CA10: variants seen among roughly 807,000 people sequenced by gnomAD.
CA10 encodes carbonic anhydrase-related protein 10.
A neutral mutation model predicts 44.2 loss-of-function variants in CA10; 14 were observed. The observed-to-expected ratio is 0.32, with a 90% CI of 0.21 to 0.50. The LOEUF is 0.50. Ranked by LOEUF, CA10 falls within the 20% of genes least tolerant of loss-of-function variation. The pLI, the probability that CA10 is intolerant of heterozygous loss-of-function variation, is 0.99. For missense variants in CA10, 350 were observed against 409.7 expected (o/e 0.85, Z 1.26); for synonymous variants, 159 against 141.6 (o/e 1.12, Z -0.87).
intron 1 of CA10, among the ~76,000 whole-genome samples, chr17:52,072,845 G>T (rs1323949276): frequency 6.6e-6 from 1 of 152,040 alleles, no homozygotes; most frequent in Non-Finnish European, 1.5e-5. Flanking sequence ...AGGCTGAAAG[G>T]TATACCCAGC....
chr17:52,139,528 G>T (rs1989432257), intron 1 of CA10, among the ~76,000 whole-genome samples: 1 of 150,098 alleles, frequency 6.7e-6, no homozygotes, highest in South Asian at 2.1e-4. Flanking sequence ...TGGAGAGCTT[G>T]GTTCAAATCC....
chr17:51,813,718 G>A (rs1053057921), intron 3 of CA10, among the ~76,000 whole-genome samples: 7 of 152,158 alleles, frequency 4.6e-5, no homozygotes, highest in Admixed American at 1.3e-4. Flanking sequence ...TTTCCCCTCC[G>A]AATGGCTCCA....
At chr17:52,042,076 G>C (rs1466174278) in intron 2 of CA10, among the ~76,000 whole-genome samples, 1 of 152,032 alleles carries the variant, frequency 6.6e-6, no homozygotes, top group Non-Finnish European at 1.5e-5. Context: ...TGGCATCTTA[G>C]AGATACTGAT....
chr17:51,681,065 C>T (rs1449735609), intron 4 of CA10, among the ~76,000 whole-genome samples: 5 of 152,224 alleles, frequency 3.3e-5, no homozygotes, highest in African/African-American at 1.2e-4. Flanking sequence ...CACAACCAGT[C>T]TTCCAGCCTT....
In CA10 at chr17:51,876,160, GTTTTTTTTTTTT is replaced by G. The variant is rs3033579; in HGVS notation, c.279+54818_279+54829del. 2.0e-3 allele frequency among the ~76,000 whole-genome samples: 118 copies of G among 59,806 alleles called. 1 individual carries two copies. Among genetic ancestry groups the G allele is most frequent in the Non-Finnish European group, 2.8e-3 (96 of 34,842 alleles). 39.2% of individuals were successfully genotyped at this position (59,806 alleles called of 152,430 possible). ...AAGATAAAATTTTATTTCTTCTCTC[GTTTTTTTTTTTT>G]TTTTTTTTTTTTTGAACAAGGTCTC... On this transcript the variant is annotated intron_variant, in intron 3 of 8. Transcript: ENST00000451037.
At chr17:52,140,451 A>G (rs1989454491) in intron 1 of CA10, among the ~76,000 whole-genome samples, 3 of 152,224 alleles carry the variant, frequency 2.0e-5, no homozygotes, top group South Asian at 2.1e-4. Context: ...GTTGTTTTCA[A>G]TCAAACACAA....
chr17:52,138,966 T>C (rs1567745876), intron 1 of CA10, among the ~76,000 whole-genome samples: 1 of 152,132 alleles, frequency 6.6e-6, no homozygotes, highest in African/African-American at 2.4e-5. Context: ...TCCTAGAAAA[T>C]TGGAACAGCA....
At chr17:51,694,763 C>G (rs551987523) in intron 4 of CA10, among the ~76,000 whole-genome samples, 1 of 152,188 alleles carries the variant, frequency 6.6e-6, no homozygotes, top group Non-Finnish European at 1.5e-5. Flanking sequence ...CCTAGGTTTT[C>G]TTCTGGGATT....
chr17:52,016,608 C>A (rs575996673), intron 2 of CA10, among the ~76,000 whole-genome samples: 4 of 151,964 alleles, frequency 2.6e-5, no homozygotes, highest in Admixed American at 2.0e-4. Flanking sequence ...GCATGTGAGA[C>A]CTGACTGTTT....
intron 2 of CA10, among the ~76,000 whole-genome samples, chr17:52,042,225 G>T (rs1986789766): frequency 6.6e-6 from 1 of 151,898 alleles, no homozygotes; most frequent in Admixed American, 6.6e-5. Context: ...GTGTATAAGG[G>T]TTCACTTTTC....
chr17:51,651,603 C>T (rs772308899), intron 5 of CA10, among the ~76,000 whole-genome samples: 2 of 152,200 alleles, frequency 1.3e-5, no homozygotes, highest in Non-Finnish European at 2.9e-5. Context: ...GACTTGCAAA[C>T]CCCAGCTGCT....
At chr17:51,991,149 G>A (rs968344388) in intron 2 of CA10, among the ~76,000 whole-genome samples, 3 of 152,072 alleles carry the variant, frequency 2.0e-5, no homozygotes, top group Non-Finnish European at 4.4e-5. Context: ...GTTTCTGACA[G>A]CAATGAGAAA....
intron 2 of CA10, among the ~76,000 whole-genome samples, chr17:51,944,361 CA>C (rs1269743319): frequency 6.6e-6 from 1 of 152,180 alleles, no homozygotes; most frequent in African/African-American, 2.4e-5. Flanking sequence ...TGCCAGCAAC[CA>C]GACCCTGCCC....
intron 2 of CA10, among the ~76,000 whole-genome samples, chr17:51,934,803 C>T (rs563302253): frequency 2.0e-5 from 3 of 152,028 alleles, no homozygotes; most frequent in Non-Finnish European, 2.9e-5. Context: ...CTGTTAGGAG[C>T]GGTGTTAAGT....
At chr17:52,103,456 T>C (rs1260391133) in intron 1 of CA10, among the ~76,000 whole-genome samples, 3 of 152,214 alleles carry the variant, frequency 2.0e-5, no homozygotes, top group Non-Finnish European at 4.4e-5. Context: ...ATCTCATTCT[T>C]GCTCCCCCAC....
chr17:51,739,518 C>T (rs77215194), intron 4 of CA10, among the ~76,000 whole-genome samples: 2,346 of 152,142 alleles, frequency 0.015, 65 homozygotes, highest in African/African-American at 0.054. Flanking sequence ...CATATGCCAT[C>T]CTGGGGGTCC....
intron 2 of CA10, among the ~76,000 whole-genome samples, chr17:51,998,514 G>A (rs1484922489): frequency 5.9e-5 from 9 of 151,828 alleles, no homozygotes; most frequent in East Asian, 1.9e-4. Flanking sequence ...CTTTTTCCTC[G>A]AGTGGATTTC....
intron 3 of CA10, among the ~76,000 whole-genome samples, chr17:51,790,578 A>C (rs778798103): frequency 8.9e-4 from 136 of 152,328 alleles, no homozygotes; most frequent in Middle Eastern, 3.4e-3. Flanking sequence ...ATTTGCCTGC[A>C]AATGCAAGCA....
intron 1 of CA10, among the ~76,000 whole-genome samples, chr17:52,104,676 G>C (rs532238490): frequency 9.2e-5 from 14 of 152,156 alleles, no homozygotes; most frequent in African/African-American, 3.4e-4. Flanking sequence ...TGTTTCCCAG[G>C]TGCTGGACTC....
Sources: gnomAD v4.1 joint callset for allele counts (sites outside exome capture counted in the v4.1 genomes callset) on GRCh38, gnomAD v4.1.1 for gene constraint, MANE v1.5 for transcripts, NCBI Gene and HGNC (gene_info 2026-07-23, HGNC 2026-07-21) for gene names.